Variants in PDXDC1 observed in about 807,000 individuals in gnomAD.
The protein encoded by PDXDC1 is pyridoxal dependent decarboxylase domain containing 1, also known as pyridoxal-dependent decarboxylase domain-containing protein 1.
Under a neutral mutation model 100.1 loss-of-function variants are expected in PDXDC1, and 42 were observed. That is an observed-to-expected ratio of 0.42 (90% confidence interval 0.33 to 0.54). The LOEUF is 0.54. Among genes scored for constraint, PDXDC1 ranks in the 20% least tolerant of loss-of-function variants. PDXDC1 has a pLI of 0.10. For missense variants in PDXDC1, 636 were observed against 979.2 expected, an observed-to-expected ratio of 0.65 and a Z score of 4.68; for synonymous variants, 260 against 371.7, an observed-to-expected ratio of 0.70 and a Z score of 3.46.
At chr16:15,050,911 A>G (rs1479756184) in intron 16 of PDXDC1, among the ~76,000 whole-genome samples, 2 of 152,244 alleles carry the variant, frequency 1.3e-5, no homozygotes, top group South Asian at 2.1e-4. Context: ...AATGAACTGC[A>G]GTGTAAAATT....
intron 16 of PDXDC1, among the ~76,000 whole-genome samples, chr16:15,049,301 T>G (rs1259283084): frequency 6.6e-6 from 1 of 152,242 alleles, no homozygotes; most frequent in Non-Finnish European, 1.5e-5. Flanking sequence ...AGTGCTGGGA[T>G]TACATGCATA....
intron 16 of PDXDC1, among the ~76,000 whole-genome samples, chr16:15,056,340 G>C (rs1055367786): frequency 1.3e-5 from 2 of 152,234 alleles, no homozygotes; most frequent in African/African-American, 4.8e-5. Context: ...GAGAGCCTCC[G>C]GGCGAGTTCC....
chr16:15,123,081 G>A (rs2047518093), intron 16 of PDXDC1, among the ~76,000 whole-genome samples: 2 of 150,498 alleles, frequency 1.3e-5, no homozygotes, highest in Admixed American at 1.3e-4. Flanking sequence ...GGGAGACAAA[G>A]GTTCTGCTTT....
intron 16 of PDXDC1, chr16:15,061,878 A>G (rs146405326): frequency 6.2e-7 from 1 of 1,613,084 alleles, no homozygotes; most frequent in African/African-American, 1.3e-5. Flanking sequence ...CCTTTCAGAA[A>G]GTCATCATCT....
chr16:15,077,331 G>A (rs148475141), intron 16 of PDXDC1, among the ~76,000 whole-genome samples: 1 of 152,100 alleles, frequency 6.6e-6, no homozygotes, highest in Non-Finnish European at 1.5e-5. Context: ...TGTTGCTGGG[G>A]GGGGACTGGT....
chr16:15,032,668 A>AAAAAAAAAAAAAAAAATG, intron 17 of PDXDC1, 193 bp from the exon 18 acceptor site: 1 of 374,106 alleles, frequency 2.7e-6, no homozygotes, highest in African/African-American at 2.3e-5. Context: ...AAAAAAAAAA[A>AAAAAAAAAAAAAAAAATG]AGGCTTTCCT....
the PDXDC1 span, among the ~76,000 whole-genome samples, chr16:15,144,370 T>C: frequency 3.3e-5 from 5 of 152,158 alleles, no homozygotes; most frequent in African/African-American, 7.2e-5. Context: ...GGCTGCAGTT[T>C]GGGACGGTGC....
At chr16:15,131,090 C>A in intron 16 of PDXDC1, 2 of 1,606,776 alleles carry the variant, frequency 1.2e-6, no homozygotes, top group Non-Finnish European at 1.7e-6. Context: ...CACGCACCGT[C>A]CAGCAGCGTA....
downstream of PDXDC1, chr16:15,040,214 G>C (rs2043750507): frequency 4.5e-6 from 2 of 448,174 alleles, no homozygotes. Flanking sequence ...CCTCCCTGGA[G>C]GGGGAAAATG....
At position 15,133,099 on chromosome 16, in the gene PDXDC1, G is replaced by A. The variant is rs1039042155; in HGVS notation, c.1400-5780G>A. The stretch of plus-strand genomic sequence containing the variant: ...AAGCAGACGCCGGAGAGGGCCCGGT[G>A]GGTGTGGCTGCTGGGAGCGGAACGT... On this transcript the variant is annotated intron_variant, in intron 16 of 16. Transcript: ENST00000535621. 25 of 616,892 alleles carry A rather than the reference G, an allele frequency of 4.1e-5. No individual in the cohort carries two copies. The Admixed American group carries it at 6.6e-4, about 16-fold the overall frequency. The allele number at this position is 616,892 out of a possible 1,614,324, so 38.2% of individuals were successfully genotyped here.
intron 1 of PDXDC1, among the ~76,000 whole-genome samples, chr16:14,992,447 G>A (rs543367913): frequency 1.5e-3 from 225 of 152,340 alleles, no homozygotes; most frequent in African/African-American, 5.2e-3. Flanking sequence ...GAGTGTCACA[G>A]CAGTGAGGAT....
rs914416566 is a variant in PDXDC1 at position 15,102,503 on chromosome 16, AAG to A, written c.1400-36369_1400-36368del. Among the ~76,000 whole-genome samples the A allele has an allele frequency of 9.2e-4, 138 of 149,704 alleles. 1 individual carries two copies. The highest frequency in any genetic ancestry group is 3.2e-3 in the African/African-American group (130 of 41,044). On this transcript the variant is annotated intron_variant, in intron 16 of 16. Coordinates refer to the PDXDC1 transcript ENST00000535621. ...GTGGCAGGGCTTGGATCACTCCAGG[AAG>A]AGAGAGGAGTCATGTGTCACAGGAG... is the stretch of plus-strand genomic sequence containing the variant.
chr16:15,101,834 G>C (rs980942379), intron 16 of PDXDC1, among the ~76,000 whole-genome samples: 29 of 150,834 alleles, frequency 1.9e-4, no homozygotes, highest in African/African-American at 6.1e-4. Context: ...TGCCATCATG[G>C]CGAGTTAATT....
intron 16 of PDXDC1, 133 bp from the exon 17 acceptor site, chr16:15,031,601 TG>T (rs2043069677): frequency 1.5e-6 from 1 of 673,792 alleles, no homozygotes; most frequent in South Asian, 2.0e-5. Context: ...GGCCTTTTTT[TG>T]TTTAAATCTC....
intron 16 of PDXDC1, chr16:15,127,560 G>T: frequency 7.7e-7 from 1 of 1,294,166 alleles, no homozygotes. Flanking sequence ...CGACTGTGTC[G>T]ACGCTCAGCG....
chr16:15,085,781 C>G lies in PDXDC1; in HGVS notation c.1400-53098C>G, dbSNP rs918014768. On this transcript the variant is annotated intron_variant, in intron 16 of 16. Transcript: ENST00000535621. Reference sequence around the variant, plus strand: ...ATACAAAAAAAGTTACTGACCTAGACAATGAACAGCTATAAAAAAAGTTAT... The same window carrying G: ...ATACAAAAAAAGTTACTGACCTAGAGAATGAACAGCTATAAAAAAAGTTAT... 2.6e-6 allele frequency: 4 copies of G among 1,557,378 alleles called. No individual in the cohort carries two copies. The African/African-American group carries it at 5.5e-5, about 21-fold the overall frequency.
intron 16 of PDXDC1, among the ~76,000 whole-genome samples, chr16:15,091,824 T>C (rs978370986): frequency 6.6e-6 from 1 of 152,080 alleles, no homozygotes; most frequent in African/African-American, 2.4e-5. Context: ...AAAACAAAAA[T>C]CCCTACTCAG....
chr16:15,061,698 T>C (rs766270241), intron 16 of PDXDC1: 1 of 1,577,088 alleles, frequency 6.3e-7, no homozygotes, highest in South Asian at 1.1e-5. Context: ...GCATGACAAG[T>C]GATGGGGAAT....
intron 16 of PDXDC1, among the ~76,000 whole-genome samples, chr16:15,053,677 G>T (rs1317854349): frequency 6.6e-6 from 1 of 152,124 alleles, no homozygotes; most frequent in Non-Finnish European, 1.5e-5. Context: ...TTGGGAGGCC[G>T]AGACGGGCAG....
Sources: allele counts gnomAD v4.1 joint callset (sites outside exome capture counted in the v4.1 genomes callset), GRCh38; gene constraint gnomAD v4.1.1; transcripts MANE v1.5; gene names NCBI Gene and HGNC (gene_info 2026-07-23, HGNC 2026-07-21).